The following CADM2 variants were observed in gnomAD, a reference collection of about 807,000 sequenced individuals.
CADM2 encodes cell adhesion molecule 2, also known as immunoglobulin superfamily member 4D.
A neutral mutation model predicts 49.8 loss-of-function variants in CADM2; 12 were observed. The observed-to-expected ratio is 0.24, with a 90% confidence interval of 0.15 to 0.39. The LOEUF (loss-of-function observed/expected upper bound fraction) is 0.39. Among genes scored for constraint, CADM2 ranks in the 10% least tolerant of loss-of-function variants. The probability of loss-of-function intolerance (pLI) is 1.00; values close to 1 mark genes in which losing one functional copy is unlikely to be tolerated. For missense variants in CADM2, 378 were observed against 492.3 expected, an observed-to-expected ratio of 0.77 and a Z score of 2.20; for synonymous variants, 214 against 175.4, an observed-to-expected ratio of 1.22 and a Z score of -1.74.
At chr3:85,899,423 T>G (rs11923871) in intron 5 of CADM2, among the ~76,000 whole-genome samples, 25,870 of 151,974 alleles carry the variant, frequency 0.17, 2,231 homozygotes, top group East Asian at 0.2. Flanking sequence ...TTTTAATGCC[T>G]TTGTTATTAC....
intron 5 of CADM2, among the ~76,000 whole-genome samples, chr3:85,903,473 C>G (rs1281353248): frequency 1.3e-5 from 2 of 152,066 alleles, no homozygotes; most frequent in African/African-American, 2.4e-5. Flanking sequence ...ATATCAGGTT[C>G]TTATCTGACA....
At chr3:85,335,556 CTT>C (rs1005699091) in intron 1 of CADM2, among the ~76,000 whole-genome samples, 1 of 147,858 alleles carries the variant, frequency 6.8e-6, no homozygotes, top group Non-Finnish European at 1.5e-5. Flanking sequence ...ATATTTATCA[CTT>C]TTTTTTTTGT....
chr3:85,728,528 G>T (rs1285515555), intron 2 of CADM2, among the ~76,000 whole-genome samples: 1 of 151,684 alleles, frequency 6.6e-6, no homozygotes, highest in African/African-American at 2.4e-5. Flanking sequence ...GAAGGCAAAT[G>T]GTCTTCAAAC....
chr3:85,179,419 C>G (rs1490412564), intron 1 of CADM2, among the ~76,000 whole-genome samples: 3 of 151,812 alleles, frequency 2.0e-5, no homozygotes, highest in African/African-American at 7.3e-5. Context: ...AACTGTCTGG[C>G]TCTTTAAAGG....
rs569701387 is a variant in CADM2 at position 85,097,376 on chromosome 3, C to T, written c.61+137708C>T. Among the ~76,000 whole-genome samples, 47 of 152,288 alleles carry T rather than the reference C, an allele frequency of 3.1e-4. 1 individual carries two copies. In the South Asian group the frequency reaches 9.3e-3, roughly 30 times the overall value. On this transcript the variant is annotated intron_variant, in intron 1 of 9. Transcript: ENST00000383699. ...AGTATTCCATGGTGTATATGTGCCA[C>T]ATTTTCTTAATCCAGTCTATCATTG... is the stretch of plus-strand genomic sequence containing the variant.
chr3:86,037,449 G>C (rs1735307597), intron 8 of CADM2, among the ~76,000 whole-genome samples: 1 of 152,234 alleles, frequency 6.6e-6, no homozygotes, highest in East Asian at 1.9e-4. Flanking sequence ...GAGGGGGGCA[G>C]GGCAAGCACT....
chr3:85,565,081 T>C (rs1036178597), intron 1 of CADM2, among the ~76,000 whole-genome samples: 6 of 152,146 alleles, frequency 3.9e-5, no homozygotes, highest in Admixed American at 1.3e-4. Context: ...TATGGTGTTC[T>C]TAATTGCAGA....
At chr3:85,661,105 C>T (rs939021627) in intron 1 of CADM2, among the ~76,000 whole-genome samples, 2 of 152,072 alleles carry the variant, frequency 1.3e-5, no homozygotes, top group African/African-American at 4.8e-5. Context: ...GTTATTCATC[C>T]TCCCCTTAGG....
intron 1 of CADM2, among the ~76,000 whole-genome samples, chr3:85,641,064 A>G (rs965452751): frequency 2.6e-5 from 4 of 152,208 alleles, no homozygotes; most frequent in African/African-American, 9.6e-5. Context: ...ACTTTGTAAC[A>G]TAGAGCATGT....
chr3:85,173,607 C>G (rs956878509), intron 1 of CADM2, among the ~76,000 whole-genome samples: 2 of 151,846 alleles, frequency 1.3e-5, no homozygotes, highest in South Asian at 4.2e-4. Context: ...ATTTGGCTGC[C>G]CACAAATATA....
chr3:85,167,726 C>T (rs1343408914), intron 1 of CADM2, among the ~76,000 whole-genome samples: 2 of 152,058 alleles, frequency 1.3e-5, no homozygotes, highest in African/African-American at 4.8e-5. Context: ...TATTCAATAC[C>T]TTTCTTTCAA....
At chr3:85,684,942 A>G (rs2066158057) in intron 1 of CADM2, among the ~76,000 whole-genome samples, 1 of 152,202 alleles carries the variant, frequency 6.6e-6, no homozygotes. Flanking sequence ...CCAGACAGCC[A>G]CATCAGCAAA....
chr3:85,422,435 G>A (rs1373765747), intron 1 of CADM2, among the ~76,000 whole-genome samples: 2 of 151,896 alleles, frequency 1.3e-5, no homozygotes, highest in South Asian at 4.2e-4. Context: ...CTGCCACCAC[G>A]CCCGGCTAAT....
rs1047384396 is a variant in CADM2 at position 85,846,893 on chromosome 3, G to A, written c.239-36398G>A. 1.1e-3 allele frequency among the ~76,000 whole-genome samples: 163 copies of A among 152,180 alleles called. 3 individuals are homozygous for A. Among genetic ancestry groups the A allele is most frequent in the Admixed American group, 0.01 (153 of 15,270 alleles). On this transcript the variant is annotated intron_variant, in intron 3 of 9. Transcript: ENST00000383699. Reference sequence around the variant, plus strand: ...AATAAATTAAAATATAAGATTTTGCGTCTATTTTTTCCTTTGGCCATTGAG... The same window carrying A: ...AATAAATTAAAATATAAGATTTTGCATCTATTTTTTCCTTTGGCCATTGAG...
At chr3:85,491,093 C>A (rs1400961289) in intron 1 of CADM2, among the ~76,000 whole-genome samples, 1 of 152,168 alleles carries the variant, frequency 6.6e-6, no homozygotes, top group Non-Finnish European at 1.5e-5. Flanking sequence ...GTCCCCAAAT[C>A]AGGTACTGCA....
intron 1 of CADM2, among the ~76,000 whole-genome samples, chr3:85,199,399 T>C (rs1165756666): frequency 1.7e-5 from 2 of 116,132 alleles, no homozygotes; most frequent in African/African-American, 1.0e-4. Context: ...GAAGCCCAAA[T>C]AGGCAGAGAA....
intron 1 of CADM2, among the ~76,000 whole-genome samples, chr3:85,705,864 T>C (rs17334733): frequency 0.21 from 32,100 of 152,168 alleles, 4,173 homozygotes; most frequent in Middle Eastern, 0.29. Context: ...CACCGTTTAA[T>C]ATTTTTTGTA....
chr3:85,081,817 T>A (rs1236787358), intron 1 of CADM2, among the ~76,000 whole-genome samples: 1 of 152,164 alleles, frequency 6.6e-6, no homozygotes, highest in Non-Finnish European at 1.5e-5. Context: ...GTAATGCATA[T>A]CTGTCTTGGT....
intron 1 of CADM2, among the ~76,000 whole-genome samples, chr3:84,965,338 G>A (rs189639094): frequency 1.9e-4 from 29 of 152,282 alleles, no homozygotes; most frequent in African/African-American, 6.3e-4. Context: ...AATGTGCTCT[G>A]CAGAGGCCAC....
Sources: allele counts gnomAD v4.1 joint callset (sites outside exome capture counted in the v4.1 genomes callset), GRCh38; gene constraint gnomAD v4.1.1; transcripts MANE v1.5; gene names NCBI Gene and HGNC (gene_info 2026-07-23, HGNC 2026-07-21).